The following DMD variants were observed in gnomAD, a reference collection of about 807,000 sequenced individuals.
DMD encodes dystrophin.
A neutral mutation model predicts 330.1 loss-of-function variants in DMD; 63 were observed. The ratio of observed to expected loss-of-function variants is 0.19; its 90% CI spans 0.16 to 0.24. The LOEUF (loss-of-function observed/expected upper bound fraction) is 0.24, where lower values mean the gene tolerates loss of function less well. Ranked by LOEUF, DMD falls within the 10% of genes least tolerant of loss-of-function variation. The pLI is 1.00. For missense variants in DMD, 3,344 were observed against 2,684.1 expected (o/e 1.25, Z -5.43); for synonymous variants, 1,223 against 959.8 (o/e 1.27, Z -5.07).
intron 7 of DMD, among the ~76,000 whole-genome samples, chrX:32,707,667 A>G (rs750399599): frequency 8.9e-6 from 1 of 112,136 alleles, no homozygotes; most frequent in Non-Finnish European, 1.9e-5. Context: ...TACATATGTT[A>G]AATATATTTT....
intron 48 of DMD, among the ~76,000 whole-genome samples, chrX:31,852,289 T>C (rs1285078358): frequency 8.9e-6 from 1 of 112,093 alleles, no homozygotes; most frequent in Admixed American, 9.5e-5. Context: ...GGGTACAATC[T>C]GCATTGTTTG....
At position 32,114,673 on chromosome X, in the gene DMD, C is replaced by CT. The variant is rs201815864; in HGVS notation, c.6438+102242dup. Among the ~76,000 whole-genome samples the CT allele has an allele frequency of 8.0e-3, 903 of 112,187 alleles. 7 individuals carry two copies. Among genetic ancestry groups the CT allele is most frequent in the African/African-American group, 0.028 (850 of 30,909 alleles). On this transcript the variant is annotated intron_variant, in intron 44 of 78. Coordinates refer to ENST00000357033, the MANE Select transcript of DMD (RefSeq NM_004006.3). ...ACGCTCTGTTGGAGAAGAGACTACT[C>CT]TGATTCCTTCACAGATTTTACTGTA...
chrX:33,009,326 A>G lies in DMD; in HGVS notation c.93+10813T>C, dbSNP rs745405543. Among the ~76,000 whole-genome samples the G allele has an allele frequency of 8.5e-3, 488 of 57,359 alleles. 135 individuals are homozygous for G. The highest frequency in any genetic ancestry group is 0.022 in the African/African-American group (263 of 12,212). 49.8% of individuals were successfully genotyped at this position (57,359 alleles called of 115,157 possible). A position where few individuals can be genotyped will look rare whatever the true frequency, so the allele number is the denominator to read the frequency against. On this transcript the variant is annotated intron_variant, in intron 2 of 78. Transcript: ENST00000357033. ...TATACACATGTGTGTATATGTGTAT[A>G]TGTGTATATACACGTGTATATACAC...
intron 2 of DMD, among the ~76,000 whole-genome samples, chrX:32,999,826 C>A (rs1317897477): frequency 9.9e-5 from 11 of 110,570 alleles, no homozygotes; most frequent in Non-Finnish European, 1.7e-4. Context: ...ACCGAAAAAA[C>A]AAGAAATGTC....
chrX:32,438,186 T>C, intron 29 of DMD, 55 bp downstream of exon 29: 2 of 1,151,029 alleles, frequency 1.7e-6, no homozygotes, highest in South Asian at 3.6e-5. Flanking sequence ...GAGGCCTGTA[T>C]CTGCTATACA....
At chrX:32,397,386 T>G (rs995024233) in intron 30 of DMD, among the ~76,000 whole-genome samples, 1 of 111,958 alleles carries the variant, frequency 8.9e-6, no homozygotes. Context: ...TCACGGATAC[T>G]GATGTGAACA....
rs58505662 is a variant in DMD at position 33,129,325 on chromosome X, C to CTTTTTTTTTTTT, written c.31+81945_31+81956dup. Among the ~76,000 whole-genome samples, 35 of 30,719 alleles carry CTTTTTTTTTTTT rather than the reference C, an allele frequency of 1.1e-3. 11 individuals are homozygous for CTTTTTTTTTTTT. The highest frequency in any genetic ancestry group is 1.4e-3 in the Non-Finnish European group (28 of 19,335). The allele number at this position is 30,719 out of a possible 115,157, so 26.7% of individuals were successfully genotyped here. A position where few individuals can be genotyped will look rare whatever the true frequency, so the allele number is the denominator to read the frequency against. ...AATCCAGAGTTACAGTTAAGGTTTG[C>CTTTTTTTTTTTT]TTTTTTTTTTTTTTTTTTTTTTTTT... On this transcript the variant is annotated intron_variant, in intron 1 of 78. Coordinates refer to ENST00000357033, the MANE Select transcript of DMD (RefSeq NM_004006.3).
intron 11 of DMD, among the ~76,000 whole-genome samples, chrX:32,643,403 A>G (rs1449592241): frequency 1.8e-5 from 2 of 109,280 alleles, no homozygotes; most frequent in Admixed American, 2.0e-4. Context: ...CATTTGGACA[A>G]TTTTTTTCAC....
At chrX:32,757,166 T>A (rs2071610458) in intron 7 of DMD, among the ~76,000 whole-genome samples, 1 of 111,611 alleles carries the variant, frequency 9.0e-6, no homozygotes, top group Non-Finnish European at 1.9e-5. Context: ...TTACCTCACA[T>A]GCTTGTGAGA....
At chrX:32,747,480 T>A (rs1315419410) in intron 7 of DMD, among the ~76,000 whole-genome samples, 2 of 111,157 alleles carry the variant, frequency 1.8e-5, no homozygotes, top group African/African-American at 6.6e-5. Flanking sequence ...GTTTATTTAT[T>A]TACTTACTTA....
intron 8 of DMD, among the ~76,000 whole-genome samples, chrX:32,698,358 C>T (rs944024677): frequency 1.8e-5 from 2 of 111,533 alleles, no homozygotes; most frequent in African/African-American, 6.5e-5. Context: ...CAGAATTCAT[C>T]AGGTCCATAC....
intron 41 of DMD, among the ~76,000 whole-genome samples, chrX:32,336,032 TATATATAAC>T (rs2097712302): frequency 4.8e-5 from 5 of 103,397 alleles, no homozygotes; most frequent in Admixed American, 2.1e-4. Flanking sequence ...TATATAACGT[TATATATAAC>T]GTGTATATAT....
At position 31,121,438 on chromosome X, in the gene DMD, G is replaced by GTA. The variant is rs1555971973; in HGVS notation, c.*480_*481insTA. 27 of 128,770 alleles carry GTA rather than the reference G, an allele frequency of 2.1e-4. No individual in the cohort carries two copies. Among genetic ancestry groups the GTA allele is most frequent in the South Asian group, 6.2e-4 (3 of 4,817 alleles). The allele number at this position is 128,770 out of a possible 1,213,427, so 10.6% of individuals were successfully genotyped here. ...CTGCCTCAAAGTTTTGTGTGTGTGT[G>GTA]TGTATGTGTGTGTGTGTGTGTTTGT... is the stretch of plus-strand genomic sequence containing the variant. On this transcript the variant is annotated 3_prime_UTR_variant, in exon 79 of 79. Coordinates refer to ENST00000357033, the MANE Select transcript of DMD (RefSeq NM_004006.3).
chrX:31,749,981 G>A (rs75809696), intron 51 of DMD, among the ~76,000 whole-genome samples: 1 of 105,519 alleles, frequency 9.5e-6, no homozygotes, highest in East Asian at 3.1e-4. Flanking sequence ...GCCCACTTTT[G>A]GATGGGGTTG....
intron 74 of DMD, among the ~76,000 whole-genome samples, chrX:31,166,341 A>G (rs1398201623): frequency 2.7e-5 from 3 of 111,363 alleles, no homozygotes; most frequent in African/African-American, 9.8e-5. Context: ...AATTTAATAA[A>G]TATCTAGTCA....
At chrX:32,570,481 A>T (rs1438933231) in intron 15 of DMD, among the ~76,000 whole-genome samples, 1 of 112,217 alleles carries the variant, frequency 8.9e-6, no homozygotes, top group Non-Finnish European at 1.9e-5. Context: ...GAGCATTTTT[A>T]TGGCCCTGAG....
At chrX:31,445,490 A>C (rs2065208005) in intron 59 of DMD, among the ~76,000 whole-genome samples, 1 of 112,274 alleles carries the variant, frequency 8.9e-6, no homozygotes, top group African/African-American at 3.2e-5. Context: ...TGGATTCTAA[A>C]TTCTACTCAT....
chrX:32,197,858 T>A (rs2097013902), intron 44 of DMD, among the ~76,000 whole-genome samples: 1 of 111,326 alleles, frequency 9.0e-6, no homozygotes, highest in Non-Finnish European at 1.9e-5. Context: ...TAAAATCGAC[T>A]CTCTTAGTAA....
chrX:32,334,196 T>A (rs1426000587), intron 41 of DMD, among the ~76,000 whole-genome samples: 3 of 111,853 alleles, frequency 2.7e-5, no homozygotes, highest in African/African-American at 9.7e-5. Flanking sequence ...TTAATCCTTG[T>A]AATATGTTAA....
Sources: allele counts gnomAD v4.1 joint callset (sites outside exome capture counted in the v4.1 genomes callset), GRCh38; gene constraint gnomAD v4.1.1; transcripts MANE v1.5; gene names NCBI Gene and HGNC (gene_info 2026-07-23, HGNC 2026-07-21).